IKZF4: variants seen among roughly 807,000 people sequenced by gnomAD.
IKZF4 encodes the protein IKAROS family zinc finger 4, also known as zinc finger protein Eos.
A neutral mutation model predicts 47.7 loss-of-function variants in IKZF4; 11 were observed. The ratio of observed to expected loss-of-function variants is 0.23; its 90% CI spans 0.15 to 0.38. The LOEUF (loss-of-function observed/expected upper bound fraction) is 0.38. Ranked by LOEUF, IKZF4 falls within the 10% of genes least tolerant of loss-of-function variation. The pLI, the probability that IKZF4 is intolerant of heterozygous loss-of-function variation, is 1.00. For missense variants in IKZF4, 557 were observed against 784.9 expected (o/e 0.71, Z 3.47); for synonymous variants, 298 against 299.4 (o/e 1.00, Z 0.05).
chr12:56,016,871 G>A (rs1892151408), upstream of IKZF4, among the ~76,000 whole-genome samples: 1 of 152,018 alleles, frequency 6.6e-6, no homozygotes, highest in South Asian at 2.1e-4. Flanking sequence ...TGGGATTACA[G>A]GTGTGAACCA....
upstream of IKZF4, chr12:56,019,362 A>C (rs1257957796): frequency 1.0e-6 from 1 of 985,130 alleles, no homozygotes; most frequent in Non-Finnish European, 1.2e-6. Context: ...AGGAGATAGC[A>C]AGATGGGTCA....
chr12:56,033,099 A>G (rs929937363), intron 6 of IKZF4, 91 bp from the exon 7 acceptor site: 55 of 1,495,496 alleles, frequency 3.7e-5, no homozygotes, highest in Non-Finnish European at 4.4e-5. Context: ...TTCCTTGGCT[A>G]CTGACCTGCT....
At chr12:56,012,030 T>C (rs940141261) in intron 2 of IKZF4, among the ~76,000 whole-genome samples, 3 of 152,154 alleles carry the variant, frequency 2.0e-5, no homozygotes, top group African/African-American at 7.2e-5. Flanking sequence ...AGCACCTGAA[T>C]GGCTCATACC....
At chr12:56,015,366 C>T (rs1409192898) in intron 2 of IKZF4, among the ~76,000 whole-genome samples, 3 of 151,862 alleles carry the variant, frequency 2.0e-5, no homozygotes, top group South Asian at 2.1e-4. Flanking sequence ...TGAGCTACCA[C>T]GCCCGGCTTC....
chr12:56,008,625 C>G (rs1890976402), intron 1 of IKZF4, among the ~76,000 whole-genome samples: 1 of 151,786 alleles, frequency 6.6e-6, no homozygotes, highest in African/African-American at 2.4e-5. Flanking sequence ...TATTGTACCC[C>G]AATCCCCATC....
intron 1 of IKZF4, among the ~76,000 whole-genome samples, chr12:56,023,236 A>G (rs1893376216): frequency 6.6e-6 from 1 of 152,254 alleles, no homozygotes; most frequent in African/African-American, 2.4e-5. Flanking sequence ...TTTTAGGGTC[A>G]AGGCCTCAAA....
chr12:56,027,172 G>A (rs1894160524), intron 4 of IKZF4, 131 bp downstream of exon 4: 3 of 877,790 alleles, frequency 3.4e-6, no homozygotes, highest in Non-Finnish European at 4.7e-6. Flanking sequence ...GAAAGGGAAG[G>A]GTCTCACCCA....
At chr12:56,008,855 T>C (rs759393052) in intron 1 of IKZF4, among the ~76,000 whole-genome samples, 6 of 151,924 alleles carry the variant, frequency 3.9e-5, no homozygotes, top group Non-Finnish European at 8.8e-5. Flanking sequence ...TTTGTATTTT[T>C]AGTAGAGATG....
intron 7 of IKZF4, among the ~76,000 whole-genome samples, chr12:56,034,255 G>A (rs1421598802): frequency 1.3e-5 from 2 of 152,168 alleles, no homozygotes; most frequent in Non-Finnish European, 1.5e-5. Context: ...TGGGCCCTTA[G>A]AGAGTCAGAG....
upstream of IKZF4, among the ~76,000 whole-genome samples, chr12:56,016,244 A>G (rs953361505): frequency 7.9e-5 from 12 of 151,458 alleles, no homozygotes; most frequent in African/African-American, 2.9e-4. Flanking sequence ...CTCTCTCAAT[A>G]TACCATTACA....
upstream of IKZF4, among the ~76,000 whole-genome samples, chr12:56,016,819 C>T (rs1263251551): frequency 2.0e-5 from 3 of 151,974 alleles, no homozygotes; most frequent in East Asian, 5.8e-4. Flanking sequence ...AGGCTGAACT[C>T]CTGACCTGAG....
At chr12:56,012,242 C>G (rs976766148) in intron 2 of IKZF4, among the ~76,000 whole-genome samples, 34 of 152,134 alleles carry the variant, frequency 2.2e-4, no homozygotes, top group Admixed American at 3.3e-4. Context: ...CCTTTTACCC[C>G]CTAGGCCACA....
intron 2 of IKZF4, among the ~76,000 whole-genome samples, chr12:56,014,641 C>G (rs1457799135): frequency 6.6e-6 from 1 of 151,992 alleles, no homozygotes; most frequent in Non-Finnish European, 1.5e-5. Flanking sequence ...ATGTTAGAAC[C>G]AGGGAAAAAG....
chr12:56,024,296 G>C (rs1893580346), intron 2 of IKZF4, among the ~76,000 whole-genome samples: 1 of 152,180 alleles, frequency 6.6e-6, no homozygotes, highest in African/African-American at 2.4e-5. Flanking sequence ...TCAAATTTTT[G>C]CTGAATTTAG....
chr12:56,025,283 AAG>A, intron 3 of IKZF4, 125 bp downstream of exon 3: 1 of 1,119,200 alleles, frequency 8.9e-7, no homozygotes, highest in Non-Finnish European at 1.2e-6. Context: ...CTTAGTCTCT[AAG>A]AGCAATGAGG....
Position 56,034,786 on chromosome 12 carries a change from C to G in IKZF4, c.1213C>G (p.Gln405Glu). 6.2e-7 allele frequency: 1 copy of G among 1,614,070 alleles called. No homozygotes were observed. The highest frequency in any genetic ancestry group is 8.5e-7 in the Non-Finnish European group (1 of 1,179,904). Residue 405 changes from glutamine (Q) to glutamate (E), a missense_variant, in exon 8 of 8, where the codon CAG (glutamine) becomes GAG (glutamate). Coordinates refer to ENST00000547167, the MANE Select transcript of IKZF4 (RefSeq NM_022465.4). The part of the protein sequence containing the change: ...LTPVISSVYT[Q>E]MQPLPGRLEL... ...GCCTGTCATCAGCTCTGTCTACACC[C>G]AGATGCAGCCCCTCCCTGGTCGACT... is the stretch of plus-strand genomic sequence containing the variant.
upstream of IKZF4, among the ~76,000 whole-genome samples, chr12:56,016,409 CT>C (rs912438411): frequency 2.0e-5 from 3 of 147,254 alleles, no homozygotes; most frequent in East Asian, 2.0e-4. Flanking sequence ...ATGCAATTTT[CT>C]TTTTTTTTCT....
chr12:56,018,206 G>T, upstream of IKZF4: 4 of 1,287,754 alleles, frequency 3.1e-6, no homozygotes, highest in Non-Finnish European at 4.1e-6. Context: ...CTATTTGTTA[G>T]GGGCTGGAAG....
At position 56,038,072 on chromosome 12, in the gene IKZF4, A is replaced by G. The variant is rs1593018131; in HGVS notation, c.*2741A>G. 6.7e-6 allele frequency: 1 copy of G among 149,226 alleles called. No individual in the cohort carries two copies. Among genetic ancestry groups the G allele is most frequent in the South Asian group, 2.1e-4 (1 of 4,784 alleles). The allele number at this position is 149,226 out of a possible 1,614,324, so 9.2% of individuals were successfully genotyped here. A position where few individuals can be genotyped will look rare whatever the true frequency, so the allele number is the denominator to read the frequency against. On this transcript the variant is annotated 3_prime_UTR_variant, in exon 8 of 8. Coordinates refer to ENST00000547167, the MANE Select transcript of IKZF4 (RefSeq NM_022465.4). ...GTACATAATATATATATATACATAT[A>G]TATATATATTTTTAATCAGAAGTTA... is the stretch of plus-strand genomic sequence containing the variant.
Sources: allele counts gnomAD v4.1 joint callset (sites outside exome capture counted in the v4.1 genomes callset), GRCh38; gene constraint gnomAD v4.1.1; transcripts MANE v1.5; gene names NCBI Gene and HGNC (gene_info 2026-07-23, HGNC 2026-07-21).